SP140: variants seen among roughly 807,000 people sequenced by gnomAD.
SP140 encodes the protein nuclear body protein SP140.
In SP140, 81 loss-of-function variants were observed where a neutral mutation model predicts 125.0. The ratio of observed to expected loss-of-function variants is 0.65; its 90% CI spans 0.54 to 0.78. The LOEUF is 0.78. SP140 is among the 30% of genes least tolerant of loss of function. SP140 has a pLI of 0.00. For synonymous variants in SP140, 312 were observed against 354.0 expected (o/e 0.88, Z 1.33); for missense variants, 858 against 1,037.0 (o/e 0.83, Z 2.37).
At chr2:230,241,369 T>C (rs1390597251) in intron 3 of SP140, 35 bp from the exon 4 acceptor site, 6 of 1,323,210 alleles carry the variant, frequency 4.5e-6, no homozygotes, top group Non-Finnish European at 6.6e-6. Flanking sequence ...CTGGTCACTG[T>C]CTGAGTTTGG....
chr2:230,250,393 G>A (rs1270353888), intron 9 of SP140, among the ~76,000 whole-genome samples: 1 of 152,100 alleles, frequency 6.6e-6, no homozygotes, highest in Non-Finnish European at 1.5e-5. Context: ...AATTGTTTCA[G>A]GAGCTGCAAT....
At chr2:230,231,741 T>C (rs2047279055) in intron 1 of SP140, among the ~76,000 whole-genome samples, 1 of 151,958 alleles carries the variant, frequency 6.6e-6, no homozygotes, top group Admixed American at 6.6e-5. Flanking sequence ...GAGTCTTGCT[T>C]TGTTGCCCAG....
At chr2:230,301,484 G>C (rs760456276) in intron 22 of SP140, among the ~76,000 whole-genome samples, 1 of 152,150 alleles carries the variant, frequency 6.6e-6, no homozygotes, top group African/African-American at 2.4e-5. Context: ...CCTATCTTTA[G>C]CCTCCTTAAA....
At chr2:230,264,638 G>T (rs2052771112) in intron 12 of SP140, among the ~76,000 whole-genome samples, 1 of 152,194 alleles carries the variant, frequency 6.6e-6, no homozygotes, top group Admixed American at 6.5e-5. Flanking sequence ...GAAGGTTGTT[G>T]TTCAGATTCT....
At chr2:230,279,655 T>C (rs983502460) in intron 15 of SP140, among the ~76,000 whole-genome samples, 1 of 152,198 alleles carries the variant, frequency 6.6e-6, no homozygotes, top group African/African-American at 2.4e-5. Context: ...AGGTATAACC[T>C]AATTTGTTTT....
Position 230,312,615 on chromosome 2 carries a change from A to T in SP140, c.2535A>T (p.Arg845Ser), listed in dbSNP as rs750294624. The change falls in exon 27 of 27, where the codon AGA (arginine) becomes AGT (serine). Residue 845 changes from arginine to serine, a missense_variant. Coordinates refer to ENST00000392045, the MANE Select transcript of SP140 (RefSeq NM_007237.5). ...KYKDFGQMGF[R>S]LEAEFEKNFK... Reference sequence around the variant, plus strand: ...AGGATTTTGGCCAAATGGGATTTAGACTGGAGGCTGAGTTTGAGAAGAATT... The same window carrying T: ...AGGATTTTGGCCAAATGGGATTTAGTCTGGAGGCTGAGTTTGAGAAGAATT... The T allele has an allele frequency of 3.1e-6, 5 of 1,612,694 alleles. No homozygotes were observed. In the South Asian group the frequency reaches 5.5e-5, roughly 18 times the overall value.
At chr2:230,294,210 T>C in intron 20 of SP140, 61 bp from the exon 21 acceptor site, 1 of 1,396,550 alleles carries the variant, frequency 7.2e-7, no homozygotes, top group Non-Finnish European at 1.0e-6. Flanking sequence ...AGGTTGGAAA[T>C]GCCAGACTCA....
intron 7 of SP140, 115 bp from the exon 8 acceptor site, chr2:230,247,801 G>A: frequency 9.9e-7 from 1 of 1,005,460 alleles, no homozygotes; most frequent in Non-Finnish European, 1.5e-6. Flanking sequence ...TAAAGGCTTA[G>A]CCCTGTGCTT....
chr2:230,262,823 G>T (rs1318847091), intron 12 of SP140, among the ~76,000 whole-genome samples: 1 of 152,094 alleles, frequency 6.6e-6, no homozygotes, highest in Non-Finnish European at 1.5e-5. Context: ...CTGAGAGAGT[G>T]CTTGATATAA....
At chr2:230,198,712 A>G (rs772992956), upstream of SP140, among the ~76,000 whole-genome samples, 1 of 152,130 alleles carries the variant, frequency 6.6e-6, no homozygotes, top group Admixed American at 6.5e-5. Context: ...CTCCTGTCTC[A>G]GCCTCCTGAG....
At chr2:230,210,732 CT>C (rs906153830) in intron 1 of SP140, among the ~76,000 whole-genome samples, 1 of 152,206 alleles carries the variant, frequency 6.6e-6, no homozygotes, top group African/African-American at 2.4e-5. Flanking sequence ...AAGCTGTCAC[CT>C]TTTTCTTTAC....
At position 230,292,501 on chromosome 2, in the gene SP140, T is replaced by G. The variant is rs796605489; in HGVS notation, c.1826-145T>G. On this transcript the variant is annotated intron_variant, in intron 19 of 26. Transcript: ENST00000392045. ...GGATTTTCAGGCTGGATTTGGGGCC[T>G]CTGTAGTCTGAGAGGGAAGGCCAGA... 27 of 1,081,604 alleles carry G rather than the reference T, an allele frequency of 2.5e-5. No homozygotes were observed. The African/African-American group carries it at 3.3e-4, about 13-fold the overall frequency. 67.0% of individuals were successfully genotyped at this position (1,081,604 alleles called of 1,614,324 possible).
intron 11 of SP140, among the ~76,000 whole-genome samples, chr2:230,254,638 T>C (rs1221527508): frequency 1.3e-5 from 2 of 152,252 alleles, no homozygotes; most frequent in Non-Finnish European, 2.9e-5. Context: ...ATGTCCTGTT[T>C]GCTCTTCTAC....
intron 22 of SP140, among the ~76,000 whole-genome samples, chr2:230,308,020 GAC>G (rs1211502170): frequency 0.019 from 2,105 of 110,028 alleles, 60 homozygotes; most frequent in African/African-American, 0.061. Flanking sequence ...CACACACAGA[GAC>G]ACACACACAC....
At chr2:230,238,121 T>G in intron 2 of SP140, 92 bp from the exon 3 acceptor site, 2 of 872,316 alleles carry the variant, frequency 2.3e-6, no homozygotes, top group Non-Finnish European at 3.5e-6. Context: ...TTCTAACATT[T>G]CACAAGAGAA....
In SP140 at chr2:230,312,681, T is replaced by C. The variant is rs2059424169; in HGVS notation, c.2601T>C (p.Asn867=). Residue 867 remains asparagine, a synonymous_variant, in exon 27 of 27, where the codon AAT becomes AAC. Coordinates refer to ENST00000392045, the MANE Select transcript of SP140 (RefSeq NM_007237.5). ...CTATTCAGGAAACAAATGGGAACAA[T>C]TGACTGGATTAGTGGATGCTGAAAG... ...VFAIQETNGN[N] is the part of the protein sequence containing the mutation. The C allele has an allele frequency of 1.9e-6, 3 of 1,602,686 alleles. No individual in the cohort carries two copies. Among genetic ancestry groups the C allele is most frequent in the South Asian group, 1.1e-5 (1 of 90,656 alleles).
At chr2:230,273,974 G>A (rs1174472077) in intron 15 of SP140, among the ~76,000 whole-genome samples, 2 of 152,132 alleles carry the variant, frequency 1.3e-5, no homozygotes, top group African/African-American at 4.8e-5. Flanking sequence ...AGGGTTGGAG[G>A]AGGGAGAGGA....
chr2:230,304,877 A>C (rs1325107241), intron 22 of SP140, among the ~76,000 whole-genome samples: 1 of 152,242 alleles, frequency 6.6e-6, no homozygotes, highest in Non-Finnish European at 1.5e-5. Flanking sequence ...AAAACGCAAA[A>C]GCAAATGCAA....
chr2:230,310,620 G>T (rs1233794495), intron 23 of SP140, 123 bp from the exon 24 acceptor site: 1 of 1,581,052 alleles, frequency 6.3e-7, no homozygotes, highest in Admixed American at 1.9e-5. Flanking sequence ...ACTTTGGGAG[G>T]TGTTCCCCTC....
Sources: gnomAD v4.1 joint callset for allele counts (sites outside exome capture counted in the v4.1 genomes callset) on GRCh38, gnomAD v4.1.1 for gene constraint, MANE v1.5 for transcripts, NCBI Gene and HGNC (gene_info 2026-07-23, HGNC 2026-07-21) for gene names.